The following MTRF1 variants were observed in gnomAD, a reference collection of about 807,000 sequenced individuals.
MTRF1 encodes mitochondrial translation release factor 1.
MTRF1 carries 51 observed loss-of-function variants against 62.9 expected under a neutral mutation model. That is an observed-to-expected ratio of 0.81 (90% CI 0.65 to 1.02). MTRF1 has a LOEUF of 1.02. MTRF1 is among the 50% of genes least tolerant of loss of function. MTRF1 has a pLI of 0.00. For missense variants in MTRF1, 446 were observed against 530.0 expected, an observed-to-expected ratio of 0.84 and a Z score of 1.56; for synonymous variants, 158 against 181.9, an observed-to-expected ratio of 0.87 and a Z score of 1.06.
At chr13:41,264,230 G>T (rs186573287), upstream of MTRF1, among the ~76,000 whole-genome samples, 3 of 152,166 alleles carry the variant, frequency 2.0e-5, no homozygotes, top group Non-Finnish European at 4.4e-5. Context: ...TTTAAAAGTA[G>T]TAACAGCCCC....
At chr13:41,227,752 T>C (rs1201605539) in intron 7 of MTRF1, among the ~76,000 whole-genome samples, 1 of 152,220 alleles carries the variant, frequency 6.6e-6, no homozygotes, top group Non-Finnish European at 1.5e-5. Flanking sequence ...ATGTAAAGAA[T>C]TTCTATAAAG....
At chr13:41,302,860 A>AT in the MTRF1 span, among the ~76,000 whole-genome samples, 1 of 152,180 alleles carries the variant, frequency 6.6e-6, no homozygotes, top group Non-Finnish European at 1.5e-5. Flanking sequence ...CAACTTGAGA[A>AT]TAAGAAAGAG....
intron 6 of MTRF1, among the ~76,000 whole-genome samples, chr13:41,239,233 C>T (rs567170896): frequency 6.6e-6 from 1 of 152,070 alleles, no homozygotes; most frequent in African/African-American, 2.4e-5. Flanking sequence ...GAGACCTTGC[C>T]TCCAAAAGTA....
At chr13:41,305,430 T>A in the MTRF1 span, among the ~76,000 whole-genome samples, 1 of 152,160 alleles carries the variant, frequency 6.6e-6, no homozygotes, top group East Asian at 1.9e-4. Flanking sequence ...TGGATTCCCA[T>A]TGAATTTAAG....
At chr13:41,285,470 G>A in the MTRF1 span, among the ~76,000 whole-genome samples, 2 of 152,156 alleles carry the variant, frequency 1.3e-5, no homozygotes, top group Non-Finnish European at 2.9e-5. Context: ...CCCTCTGCAG[G>A]TACTGGCAAC....
chr13:41,273,798 T>C, the MTRF1 span, among the ~76,000 whole-genome samples: 6 of 151,394 alleles, frequency 4.0e-5, no homozygotes, highest in East Asian at 2.0e-4. Context: ...GATCGCACCA[T>C]TGCACTCCAG....
chr13:41,217,385 G>T (rs1218678398), intron 9 of MTRF1, among the ~76,000 whole-genome samples, 157 bp from the exon 10 acceptor site: 3 of 152,202 alleles, frequency 2.0e-5, no homozygotes, highest in Non-Finnish European at 4.4e-5. Context: ...AACTTGGGAA[G>T]ATCCCCACTC....
chr13:41,285,754 C>G, the MTRF1 span, among the ~76,000 whole-genome samples: 2 of 151,972 alleles, frequency 1.3e-5, no homozygotes, highest in African/African-American at 4.8e-5. Flanking sequence ...TTTTTGATTG[C>G]ATGAAGTTGA....
the MTRF1 span, among the ~76,000 whole-genome samples, chr13:41,290,123 G>A: frequency 4.2e-3 from 531 of 127,210 alleles, 5 homozygotes; most frequent in African/African-American, 0.015. Flanking sequence ...TTGAGATGGA[G>A]TCTCGCTCTG....
chr13:41,307,102 G>A, the MTRF1 span, among the ~76,000 whole-genome samples: 1 of 152,080 alleles, frequency 6.6e-6, no homozygotes, highest in Non-Finnish European at 1.5e-5. Flanking sequence ...TACCAGCACC[G>A]TGATTGGTGT....
chr13:41,294,084 T>C, the MTRF1 span, among the ~76,000 whole-genome samples: 4 of 152,090 alleles, frequency 2.6e-5, no homozygotes, highest in East Asian at 1.9e-4. Flanking sequence ...AGAGTACATA[T>C]ATATACACAA....
At chr13:41,253,792 T>G (rs1730151801) in intron 3 of MTRF1, among the ~76,000 whole-genome samples, 1 of 152,182 alleles carries the variant, frequency 6.6e-6, no homozygotes, top group African/African-American at 2.4e-5. Flanking sequence ...ATTAACTGGT[T>G]CAATTTGTAA....
chr13:41,310,607 T>C, the MTRF1 span, among the ~76,000 whole-genome samples: 6 of 152,016 alleles, frequency 3.9e-5, no homozygotes, highest in Non-Finnish European at 7.4e-5. Context: ...GAGGCGGAGG[T>C]TGCAGTGAGC....
intron 2 of MTRF1, among the ~76,000 whole-genome samples, chr13:41,259,447 C>G (rs1424694704): frequency 6.6e-6 from 1 of 152,138 alleles, no homozygotes; most frequent in African/African-American, 2.4e-5. Flanking sequence ...TGCCTGTAAT[C>G]CCAGCACATT....
the MTRF1 span, among the ~76,000 whole-genome samples, chr13:41,292,452 G>A: frequency 1.3e-5 from 2 of 151,556 alleles, no homozygotes; most frequent in African/African-American, 4.9e-5. Context: ...GGCGTGGTGG[G>A]TGCCTGTAAT....
chr13:41,223,155 A>G, intron 9 of MTRF1, 101 bp downstream of exon 9: 1 of 670,914 alleles, frequency 1.5e-6, no homozygotes. Flanking sequence ...TTACTTGGTA[A>G]TATTTTAGAT....
chr13:41,253,344 A>G (rs74793639), intron 3 of MTRF1, among the ~76,000 whole-genome samples: 5,133 of 152,288 alleles, frequency 0.034, 299 homozygotes, highest in African/African-American at 0.12. Context: ...TTTGGCGCTT[A>G]TAATTAGTTC....
the MTRF1 span, among the ~76,000 whole-genome samples, chr13:41,279,859 C>T: frequency 8.5e-5 from 13 of 152,164 alleles, no homozygotes; most frequent in Non-Finnish European, 1.6e-4. Context: ...TGATAAGAAA[C>T]ATTTTACAAT....
upstream of MTRF1, among the ~76,000 whole-genome samples, chr13:41,265,086 C>A (rs1208802619): frequency 6.6e-6 from 1 of 152,156 alleles, no homozygotes; most frequent in African/African-American, 2.4e-5. Context: ...GTGCTTTCAG[C>A]TATATAACTT....
Sources: allele counts gnomAD v4.1 joint callset (sites outside exome capture counted in the v4.1 genomes callset), GRCh38; gene constraint gnomAD v4.1.1; transcripts MANE v1.5; gene names NCBI Gene and HGNC (gene_info 2026-07-23, HGNC 2026-07-21).